ABHD17A: variants seen among roughly 807,000 people sequenced by gnomAD.
The protein encoded by ABHD17A is abhydrolase domain containing 17A, depalmitoylase.
A neutral mutation model predicts 26.8 loss-of-function variants in ABHD17A; 10 were observed. The ratio of observed to expected loss-of-function variants is 0.37; its 90% CI spans 0.23 to 0.63. The LOEUF (loss-of-function observed/expected upper bound fraction) is 0.63, where lower values mean the gene tolerates loss of function less well. ABHD17A is among the 30% of genes least tolerant of loss of function. The pLI is 0.61. For missense variants in ABHD17A, 292 were observed against 457.3 expected, an observed-to-expected ratio of 0.64 and a Z score of 3.30; for synonymous variants, 167 against 210.9, an observed-to-expected ratio of 0.79 and a Z score of 1.80.
At chr19:1,884,779 T>G (rs2012631159) in intron 1 of ABHD17A, among the ~76,000 whole-genome samples, 3 of 144,692 alleles carry the variant, frequency 2.1e-5, no homozygotes, top group African/African-American at 5.2e-5. Flanking sequence ...ACGGGTGAGG[T>G]CGCGCCCCCG....
At position 1,880,836 on chromosome 19, in the gene ABHD17A, C is replaced by G; in HGVS notation, c.332+399G>C. 1 of 1,602,762 alleles carries G rather than the reference C, an allele frequency of 6.2e-7. No homozygotes were observed. The highest frequency in any genetic ancestry group is 8.5e-7 in the Non-Finnish European group (1 of 1,173,488). On this transcript the variant is annotated intron_variant, in intron 2 of 4. Coordinates refer to ENST00000292577, the MANE Select transcript of ABHD17A (RefSeq NM_001130111.2). The surrounding 1 kb of genome is among the most constrained non-coding windows in gnomAD (Gnocchi z 4.1). ...TTCCTCCAGTTCCCCCAGGCCCCCA[C>G]CTAGCCCAGCCAGAAGGTAAAGGCT...
chr19:1,884,611 G>T (rs2012625664), intron 1 of ABHD17A, among the ~76,000 whole-genome samples: 1 of 152,152 alleles, frequency 6.6e-6, no homozygotes. Context: ...CTGGGGGGAG[G>T]CGCGGCCATA....
chr19:1,877,203 G>C lies in ABHD17A; in HGVS notation c.930C>G (p.Ala310=). The C allele has an allele frequency of 7.0e-7, 1 of 1,437,574 alleles. No individual in the cohort carries two copies. Among genetic ancestry groups the C allele is most frequent in the East Asian group, 2.4e-5 (1 of 41,624 alleles). The allele number at this position is 1,437,574 out of a possible 1,614,324, so 89.1% of individuals were successfully genotyped here. Residue 310 remains alanine, a synonymous_variant, in exon 5 of 5, where the codon GCC becomes GCG. Transcript: ENST00000292577. ...GTCCGGCCGGTTGGGGCCGCCGCTAGGCGCGCTGGCTGGGCAGCTCCTGGG... is the reference window on the plus strand; with the variant it reads ...GTCCGGCCGGTTGGGGCCGCCGCTACGCGCGCTGGCTGGGCAGCTCCTGGG... The part of the protein sequence containing the change: ...FISQELPSQR[A]
In ABHD17A at chr19:1,876,942, G is replaced by A. The variant is rs1486628599; in HGVS notation, c.*258C>T. 1.9e-6 allele frequency: 1 copy of A among 515,506 alleles called. No individual in the cohort carries two copies. The highest frequency in any genetic ancestry group is 2.0e-5 in the African/African-American group (1 of 50,750). The allele number at this position is 515,506 out of a possible 1,614,324, so 31.9% of individuals were successfully genotyped here. On this transcript the variant is annotated 3_prime_UTR_variant, in exon 5 of 5. Transcript: ENST00000292577. The stretch of plus-strand genomic sequence containing the variant: ...TCGAGCTCGCTGAGCGCTCGAGAGA[G>A]TGAGCAGAGCCATGAAAGGAAGGAG...
intron 1 of ABHD17A, among the ~76,000 whole-genome samples, chr19:1,884,078 G>A (rs1314962207): frequency 6.6e-6 from 1 of 152,048 alleles, no homozygotes; most frequent in Non-Finnish European, 1.5e-5. Context: ...CACTGCCAAC[G>A]CTCTCAGAGT....
Position 1,877,128 on chromosome 19 carries a change from T to C in ABHD17A, c.*72A>G. On this transcript the variant is annotated 3_prime_UTR_variant, in exon 5 of 5. Transcript: ENST00000292577. ...GCCCGGGGGGTCCACATGCAGCCCC[T>C]GGGTGGGGGCCGGCGCGGGGTGAGG... 6.8e-7 allele frequency: 1 copy of C among 1,461,524 alleles called. No individual in the cohort carries two copies. The highest frequency in any genetic ancestry group is 1.2e-5 in the South Asian group (1 of 80,734). 90.5% of individuals were successfully genotyped at this position (1,461,524 alleles called of 1,614,324 possible). A position where few individuals can be genotyped will look rare whatever the true frequency, so the allele number is the denominator to read the frequency against.
chr19:1,880,986 G>A lies in ABHD17A; in HGVS notation c.332+249C>T. 1.2e-6 allele frequency: 2 copies of A among 1,612,306 alleles called. No homozygotes were observed. Among genetic ancestry groups the A allele is most frequent in the Non-Finnish European group, 8.5e-7 (1 of 1,179,520 alleles). ...GCAACCACCAGGCGCTGGGTTGTTG[G>A]AGTCGCCCAGCCTGCCCACCCATGC... is the stretch of plus-strand genomic sequence containing the variant. On this transcript the variant is annotated intron_variant, in intron 2 of 4. Coordinates refer to ENST00000292577, the MANE Select transcript of ABHD17A (RefSeq NM_001130111.2). The surrounding 1 kb of genome is among the most constrained non-coding windows in gnomAD (Gnocchi z 4.1).
Position 1,881,459 on chromosome 19 carries a change from G to T in ABHD17A, c.108C>A (p.Ser36=). Residue 36 remains serine (S), a synonymous_variant, in exon 2 of 5, where the codon TCC becomes TCA. Transcript: ENST00000292577. ...GCCCCGGCTCGGGCTCAGGCACCAG[G>T]GAGTAGGTGGCCTCCGGCGGCAGGA... ...LAFLPPEATY[S]LVPEPEPGPG... The T allele has an allele frequency of 1.2e-6, 2 of 1,602,514 alleles. No individual in the cohort carries two copies. Among genetic ancestry groups the T allele is most frequent in the Non-Finnish European group, 1.7e-6 (2 of 1,178,216 alleles).
At chr19:1,878,396 CT>C (rs1269500732) in intron 3 of ABHD17A, 2 of 150,592 alleles carry the variant, frequency 1.3e-5, no homozygotes, top group African/African-American at 4.9e-5. Context: ...TGTGCGGCCC[CT>C]GACCCAGCTG....
At chr19:1,882,797 C>A (rs2012578799) in intron 1 of ABHD17A, 1 of 152,126 alleles carries the variant, frequency 6.6e-6, no homozygotes, top group Non-Finnish European at 1.5e-5. Flanking sequence ...GACCACGCTT[C>A]TCCTTCAGAC....
Position 1,876,939 on chromosome 19 carries a change from A to T in ABHD17A, c.*261T>A, listed in dbSNP as rs1472336723. The stretch of plus-strand genomic sequence containing the variant: ...CTTTCGAGCTCGCTGAGCGCTCGAG[A>T]GAGTGAGCAGAGCCATGAAAGGAAG... On this transcript the variant is annotated 3_prime_UTR_variant, in exon 5 of 5. Coordinates refer to ENST00000292577, the MANE Select transcript of ABHD17A (RefSeq NM_001130111.2). 3 of 500,328 alleles carry T rather than the reference A, an allele frequency of 6.0e-6. No individual in the cohort carries two copies. The highest frequency in any genetic ancestry group is 1.1e-5 in the Non-Finnish European group (3 of 281,036). 31.0% of individuals were successfully genotyped at this position (500,328 alleles called of 1,614,324 possible). A position where few individuals can be genotyped will look rare whatever the true frequency, so the allele number is the denominator to read the frequency against.
chr19:1,883,309 G>C (rs1234489928), intron 1 of ABHD17A: 3 of 152,274 alleles, frequency 2.0e-5, no homozygotes, highest in African/African-American at 7.2e-5. Flanking sequence ...GGACTGGGTG[G>C]AGGCTGCTTA....
At chr19:1,877,457 C>T (rs747310998) in intron 4 of ABHD17A, 32 bp from the exon 5 acceptor site, 5 of 1,566,086 alleles carry the variant, frequency 3.2e-6, no homozygotes, top group African/African-American at 2.7e-5. Flanking sequence ...GGTGAGACTT[C>T]GCGCCCGGCC....
In ABHD17A at chr19:1,880,450, T is replaced by C. The variant is rs2012491710; in HGVS notation, c.333-335A>G. On this transcript the variant is annotated intron_variant, in intron 2 of 4. Coordinates refer to ENST00000292577, the MANE Select transcript of ABHD17A (RefSeq NM_001130111.2). This position sits in a 1 kb window ranked among gnomAD's most constrained non-coding sequence, Gnocchi z 4.1. ...ATCCTCTCTCAGGGCAGACTCGCAG[T>C]GTGTGCTCAGATACTGCAGGCTTCA... is the stretch of plus-strand genomic sequence containing the variant. 6.6e-6 allele frequency among the ~76,000 whole-genome samples: 1 copy of C among 152,192 alleles called. No individual in the cohort carries two copies. Among genetic ancestry groups the C allele is most frequent in the African/African-American group, 2.4e-5 (1 of 41,444 alleles).
chr19:1,877,841 G>A, intron 3 of ABHD17A, 154 bp from the exon 4 acceptor site: 3 of 679,706 alleles, frequency 4.4e-6, no homozygotes, highest in Non-Finnish European at 7.3e-6. Context: ...CCAGTCCCGA[G>A]GGCCACCCCC....
chr19:1,880,968 C>A lies in ABHD17A; in HGVS notation c.332+267G>T. On this transcript the variant is annotated intron_variant, in intron 2 of 4. Coordinates refer to ENST00000292577, the MANE Select transcript of ABHD17A (RefSeq NM_001130111.2). The surrounding 1 kb of genome is among the most constrained non-coding windows in gnomAD (Gnocchi z 4.1). ...CCAGCTCTTGCCCAGCAGGCAACCA[C>A]CAGGCGCTGGGTTGTTGGAGTCGCC... is the stretch of plus-strand genomic sequence containing the variant. 1 of 1,612,668 alleles carries A rather than the reference C, an allele frequency of 6.2e-7. No individual in the cohort carries two copies. Among genetic ancestry groups the A allele is most frequent in the Non-Finnish European group, 8.5e-7 (1 of 1,179,634 alleles).
At chr19:1,877,455 T>C (rs780632831) in intron 4 of ABHD17A, 30 bp from the exon 5 acceptor site, 13 of 1,566,730 alleles carry the variant, frequency 8.3e-6, no homozygotes, top group Non-Finnish European at 7.7e-6. Context: ...CCGGTGAGAC[T>C]TCGCGCCCGG....
chr19:1,881,741 C>G lies in ABHD17A; in HGVS notation c.-175G>C. On this transcript the variant is annotated 5_prime_UTR_variant, in exon 2 of 5. Transcript: ENST00000292577. ...AGGAGGCCAGGGCCCAGCCCCATCG[C>G]GGTCCAAGCCGAGCCCCAGGGAGCC... The G allele has an allele frequency of 1.1e-6, 1 of 880,808 alleles. No homozygotes were observed. The highest frequency in any genetic ancestry group is 4.0e-5 in the Admixed American group (1 of 24,968). The allele number at this position is 880,808 out of a possible 1,614,324, so 54.6% of individuals were successfully genotyped here.
chr19:1,877,296 C>A lies in ABHD17A; in HGVS notation c.837G>T (p.Val279=), dbSNP rs1210775179. The A allele has an allele frequency of 2.0e-6, 3 of 1,532,842 alleles. No individual in the cohort carries two copies. Among genetic ancestry groups the A allele is most frequent in the African/African-American group, 1.4e-5 (1 of 73,438 alleles). The allele number at this position is 1,532,842 out of a possible 1,614,324, so 95.0% of individuals were successfully genotyped here. A position where few individuals can be genotyped will look rare whatever the true frequency, so the allele number is the denominator to read the frequency against. ...CGATGTCGTTGTGCCCGGCGCCCTCCACCCACAGCGGCTCCACCGCCTTGG... is the reference window on the plus strand; with the variant it reads ...CGATGTCGTTGTGCCCGGCGCCCTCAACCCACAGCGGCTCCACCGCCTTGG... ...RCPKAVEPLW[V]EGAGHNDIEL... is the part of the protein sequence containing the mutation. The change falls in exon 5 of 5, where the codon GTG becomes GTT. Residue 279 remains valine, a synonymous_variant. Coordinates refer to ENST00000292577, the MANE Select transcript of ABHD17A (RefSeq NM_001130111.2).
Sources: gnomAD v4.1 joint callset for allele counts (sites outside exome capture counted in the v4.1 genomes callset) on GRCh38, gnomAD v4.1.1 for gene constraint, Gnocchi (gnomAD v3.1) non-coding constraint, MANE v1.5 for transcripts, NCBI Gene and HGNC (gene_info 2026-07-23, HGNC 2026-07-21) for gene names.